Variants in PVALEF observed in about 807,000 individuals in gnomAD.
The protein encoded by PVALEF is parvalbumin-like EF-hand-containing protein.
A neutral mutation model predicts 1.2 loss-of-function variants in PVALEF; 2 were observed. That is an observed-to-expected ratio of 1.68 (90% CI 0.69 to 5.28). PVALEF has a LOEUF of 5.28. PVALEF is among the 30% of genes most tolerant of loss of function. The pLI is 0.06. For synonymous variants in PVALEF, 16 were observed against 6.5 expected, an observed-to-expected ratio of 2.47 and a Z score of -2.24; for missense variants, 35 against 17.7, an observed-to-expected ratio of 1.97 and a Z score of -1.75.
In PVALEF at chr17:81,173,609, C is replaced by T. The variant is rs117076160; in HGVS notation, c.-339-5309C>T. On this transcript the variant is annotated intron_variant, in intron 2 of 6. Coordinates refer to ENST00000637878, the MANE Select transcript of PVALEF (RefSeq NM_001354639.2). ...AACACACTATCTACCAAGACTAAGT[C>T]CCAAAGAAATAGAAAATCTGAATAG... Among the ~76,000 whole-genome samples the T allele has an allele frequency of 8.1e-3, 1,238 of 152,264 alleles. 11 individuals are homozygous for T. The highest frequency in any genetic ancestry group is 0.015 in the Non-Finnish European group (1,010 of 68,020).
At chr17:81,178,505 G>C (rs934673113) in intron 2 of PVALEF, among the ~76,000 whole-genome samples, 1 of 152,164 alleles carries the variant, frequency 6.6e-6, no homozygotes, top group Non-Finnish European at 1.5e-5. Context: ...ACGTGGCTTG[G>C]ATAAACTTTG....
Position 81,165,558 on chromosome 17 carries a change from G to A in PVALEF, c.-697G>A, listed in dbSNP as rs1385616818. 1 of 1,101,848 alleles carries A rather than the reference G, an allele frequency of 9.1e-7. No individual in the cohort carries two copies. Among genetic ancestry groups the A allele is most frequent in the African/African-American group, 1.6e-5 (1 of 63,460 alleles). The allele number at this position is 1,101,848 out of a possible 1,614,324, so 68.3% of individuals were successfully genotyped here. Reference sequence around the variant, plus strand: ...CTCCCACGCCAGGGCCCCGGACCCAGGAGAGGCCATGGAAAGCCTGAACCC... The same window carrying A: ...CTCCCACGCCAGGGCCCCGGACCCAAGAGAGGCCATGGAAAGCCTGAACCC... On this transcript the variant is annotated 5_prime_UTR_variant, in exon 1 of 7. Transcript: ENST00000637878.
chr17:81,182,848 C>T, intron 6 of PVALEF, 117 bp from the exon 7 acceptor site: 1 of 396,012 alleles, frequency 2.5e-6, no homozygotes. Flanking sequence ...GGGACAGGAC[C>T]CCCTGGACTG....
chr17:81,172,365 C>T (rs769127789), intron 2 of PVALEF, among the ~76,000 whole-genome samples: 2 of 152,204 alleles, frequency 1.3e-5, no homozygotes, highest in African/African-American at 2.4e-5. Context: ...ATTCCACTAA[C>T]GTGAACATGG....
intron 2 of PVALEF, among the ~76,000 whole-genome samples, chr17:81,168,464 C>T (rs191605581): frequency 6.6e-6 from 1 of 152,332 alleles, no homozygotes; most frequent in African/African-American, 2.4e-5. Flanking sequence ...TCTGAGATTT[C>T]GCTGGAACCA....
chr17:81,169,754 G>C (rs538868847), intron 2 of PVALEF, among the ~76,000 whole-genome samples: 1 of 150,880 alleles, frequency 6.6e-6, no homozygotes, highest in Non-Finnish European at 1.5e-5. Flanking sequence ...ACGTGTCTAT[G>C]TGTGTGTATG....
At chr17:81,165,813 T>C in intron 1 of PVALEF, 66 bp downstream of exon 1, 2 of 1,502,400 alleles carry the variant, frequency 1.3e-6, no homozygotes, top group Non-Finnish European at 1.8e-6. Context: ...CGGCTGCTTC[T>C]GCTGCTGGGC....
At chr17:81,182,221 G>A in intron 6 of PVALEF, 140 bp downstream of exon 6, 1 of 396,298 alleles carries the variant, frequency 2.5e-6, no homozygotes, top group Non-Finnish European at 4.4e-6. Context: ...TGGGCCGGGA[G>A]TCTAGGTGCT....
chr17:81,168,908 G>A (rs2061508500), intron 2 of PVALEF, among the ~76,000 whole-genome samples: 1 of 152,232 alleles, frequency 6.6e-6, no homozygotes, highest in Non-Finnish European at 1.5e-5. Flanking sequence ...TCAACAGGAT[G>A]TGATCTGTCC....
intron 3 of PVALEF, 148 bp from the exon 4 acceptor site, chr17:81,180,975 C>T: frequency 2.2e-6 from 1 of 446,144 alleles, no homozygotes; most frequent in South Asian, 3.3e-5. Context: ...CAAGGCGCTG[C>T]CGTGAGGCGC....
chr17:81,175,135 T>C (rs2061532628), intron 2 of PVALEF, among the ~76,000 whole-genome samples: 1 of 152,108 alleles, frequency 6.6e-6, no homozygotes, highest in South Asian at 2.1e-4. Context: ...AAAAGGATTA[T>C]CCAATTTGTC....
intron 2 of PVALEF, among the ~76,000 whole-genome samples, chr17:81,177,074 G>A (rs541688399): frequency 2.0e-5 from 3 of 151,194 alleles, no homozygotes; most frequent in Admixed American, 6.6e-5. Context: ...CTCCAGTCTC[G>A]CACCACCAAC....
chr17:81,173,489 G>A (rs1483510097), intron 2 of PVALEF, among the ~76,000 whole-genome samples: 8 of 152,182 alleles, frequency 5.3e-5, no homozygotes. Context: ...CGAGAGAACC[G>A]ACTATGTGGC....
chr17:81,181,332 G>A lies in PVALEF; in HGVS notation c.106G>A (p.Gly36Arg), dbSNP rs1297159518. 26 of 663,750 alleles carry A rather than the reference G, an allele frequency of 3.9e-5. No individual in the cohort carries two copies. Among genetic ancestry groups the A allele is most frequent in the Middle Eastern group, 2.4e-4 (1 of 4,192 alleles). 41.1% of individuals were successfully genotyped at this position (663,750 alleles called of 1,614,324 possible). ...GCTGCCCACAGACATGAGACACCACGGTACAGCATGCCCCCGCCCGGCGCG... is the reference window on the plus strand; with the variant it reads ...GCTGCCCACAGACATGAGACACCACAGTACAGCATGCCCCCGCCCGGCGCG... ...ELLPTDMRHH[G>R]SFNYLKFFKH... Residue 36 changes from glycine to arginine, a missense_variant and splice_region_variant, in exon 4 of 7, where the codon GGG (glycine) becomes AGG (arginine). Gly to Arg is a moderately radical substitution (Grantham distance 125, BLOSUM62 -2). Coordinates refer to ENST00000637878, the MANE Select transcript of PVALEF (RefSeq NM_001354639.2).
intron 1 of PVALEF, 154 bp downstream of exon 1, chr17:81,165,901 AGGCAGC>A: frequency 1.3e-6 from 2 of 1,561,080 alleles, no homozygotes; most frequent in Non-Finnish European, 1.7e-6. Context: ...CAGCGGAGGG[AGGCAGC>A]GGCGCGCAGG....
intron 2 of PVALEF, among the ~76,000 whole-genome samples, chr17:81,167,475 A>C (rs2061502027): frequency 1.3e-5 from 2 of 152,242 alleles, no homozygotes; most frequent in African/African-American, 2.4e-5. Context: ...GCCCACTCCA[A>C]CAGGGCTCTT....
intron 2 of PVALEF, among the ~76,000 whole-genome samples, chr17:81,171,601 C>T (rs192805829): frequency 1.5e-4 from 23 of 152,298 alleles, no homozygotes; most frequent in African/African-American, 5.3e-4. Flanking sequence ...ACGCCATTCT[C>T]CTGCCTCAGC....
At chr17:81,178,642 C>T (rs992829924) in intron 2 of PVALEF, among the ~76,000 whole-genome samples, 1 of 152,156 alleles carries the variant, frequency 6.6e-6, no homozygotes, top group Non-Finnish European at 1.5e-5. Flanking sequence ...ACCCCACTCA[C>T]ATGTCTGGCC....
At chr17:81,170,875 C>T (rs1019984888) in intron 2 of PVALEF, among the ~76,000 whole-genome samples, 6 of 152,134 alleles carry the variant, frequency 3.9e-5, no homozygotes, top group Non-Finnish European at 8.8e-5. Context: ...CCCCTCCAGC[C>T]CCAGCCCCAG....
Sources: allele counts gnomAD v4.1 joint callset (sites outside exome capture counted in the v4.1 genomes callset), GRCh38; gene constraint gnomAD v4.1.1; transcripts MANE v1.5; gene names NCBI Gene and HGNC (gene_info 2026-07-23, HGNC 2026-07-21).